Variants in ABLIM3 observed in about 807,000 individuals in gnomAD.
ABLIM3 encodes actin-binding LIM protein 3.
A neutral mutation model predicts 109.5 loss-of-function variants in ABLIM3; 61 were observed. That is an observed-to-expected ratio of 0.56 (90% CI 0.45 to 0.69). The LOEUF (loss-of-function observed/expected upper bound fraction) is 0.69, where lower values mean the gene tolerates loss of function less well. Ranked by LOEUF, ABLIM3 falls within the 30% of genes least tolerant of loss-of-function variation. The pLI is 0.00. For missense variants in ABLIM3, 796 were observed against 889.5 expected, an observed-to-expected ratio of 0.89 and a Z score of 1.34; for synonymous variants, 300 against 324.8, an observed-to-expected ratio of 0.92 and a Z score of 0.82.
intron 3 of ABLIM3, among the ~76,000 whole-genome samples, chr5:149,192,534 G>C (rs554904441): frequency 1.3e-5 from 2 of 151,058 alleles, no homozygotes; most frequent in East Asian, 3.9e-4. Context: ...GCTGAGGCAG[G>C]AGAATGGCAT....
chr5:149,233,301 G>A lies in ABLIM3; in HGVS notation c.888+1G>A, dbSNP rs757993248. 2.2e-5 allele frequency: 35 copies of A among 1,613,826 alleles called. No individual in the cohort carries two copies. Among genetic ancestry groups the A allele is most frequent in the Middle Eastern group, 1.6e-4 (1 of 6,082 alleles). On this transcript the variant is annotated splice_donor_variant, in intron 10 of 23. Coordinates refer to ENST00000309868, the MANE Select transcript of ABLIM3 (RefSeq NM_014945.5). LOFTEE classifies it high-confidence loss of function. ...TGGGTCACCCAACCGAGTCATCTGCGTATGTATCACTTTTCTACCACCAAA... is the reference window on the plus strand; with the variant it reads ...TGGGTCACCCAACCGAGTCATCTGCATATGTATCACTTTTCTACCACCAAA...
chr5:149,168,743 G>A (rs182770320), intron 2 of ABLIM3, among the ~76,000 whole-genome samples: 13 of 152,296 alleles, frequency 8.5e-5, no homozygotes, highest in African/African-American at 2.2e-4. Context: ...GAAGGATATT[G>A]GCACATGATA....
chr5:149,201,225 C>T (rs1159871285), intron 5 of ABLIM3, among the ~76,000 whole-genome samples: 2 of 152,198 alleles, frequency 1.3e-5, no homozygotes, highest in Non-Finnish European at 2.9e-5. Flanking sequence ...TGGCAGGCTG[C>T]TGCTGCACAT....
chr5:149,223,790 G>A (rs10053932), intron 8 of ABLIM3, among the ~76,000 whole-genome samples: 9,437 of 152,224 alleles, frequency 0.062, 915 homozygotes, highest in African/African-American at 0.21. Context: ...AGACAGAGAC[G>A]GACAAGCAGG....
rs1231157544 is a variant in ABLIM3 at position 149,252,813 on chromosome 5, G to A, written c.1914G>A (p.Lys638=). The A allele has an allele frequency of 1.2e-6, 2 of 1,613,476 alleles. No homozygotes were observed. The highest frequency in any genetic ancestry group is 2.7e-5 in the African/African-American group (2 of 75,014). ...CAAGAGGAAGAAACCGACTGCCCAA[G>A]GATGTAGACAGGACCCGTTTAGAGG... is the stretch of plus-strand genomic sequence containing the variant. The part of the protein sequence containing the change: ...VTTRGRNRLP[K]DVDRTRLERH... Residue 638 remains lysine, a synonymous_variant, in exon 23 of 24, where the codon AAG becomes AAA. Coordinates refer to ENST00000309868, the MANE Select transcript of ABLIM3 (RefSeq NM_014945.5).
intron 2 of ABLIM3, among the ~76,000 whole-genome samples, chr5:149,147,225 A>G (rs1753017139): frequency 6.6e-6 from 1 of 152,074 alleles, no homozygotes; most frequent in South Asian, 2.1e-4. Context: ...ATTTTTGTAC[A>G]TTAATTTTGT....
In ABLIM3 at chr5:149,246,565, A is replaced by G. The variant is rs1441212054; in HGVS notation, c.1551+19A>G. The G allele has an allele frequency of 6.2e-7, 1 of 1,613,734 alleles. No homozygotes were observed. The highest frequency in any genetic ancestry group is 1.1e-5 in the South Asian group (1 of 90,994). ...GCACAAGGTGGGCAGAGACCACAGC[A>G]CTGAATATGATGCTTAGAGCGTATA... On this transcript the variant is annotated intron_variant, in intron 17 of 23. Coordinates refer to ENST00000309868, the MANE Select transcript of ABLIM3 (RefSeq NM_014945.5).
rs770408960 is a variant in ABLIM3 at position 149,241,410 on chromosome 5, C to G, written c.1303+636C>G. Among the ~76,000 whole-genome samples, 23 of 152,078 alleles carry G rather than the reference C, an allele frequency of 1.5e-4. 1 individual carries two copies. Among genetic ancestry groups the G allele is most frequent in the Admixed American group, 1.2e-3 (18 of 15,254 alleles). ...TGAGAGATGATGAGGCTGAGAGAGG[C>G]CAGGCTAGATGGGGCGGTCAGGAAG... On this transcript the variant is annotated intron_variant, in intron 14 of 23. Coordinates refer to ENST00000309868, the MANE Select transcript of ABLIM3 (RefSeq NM_014945.5).
intron 2 of ABLIM3, among the ~76,000 whole-genome samples, chr5:149,153,133 C>T (rs531857246): frequency 6.6e-6 from 1 of 152,210 alleles, no homozygotes; most frequent in East Asian, 1.9e-4. Flanking sequence ...TGATCATCTG[C>T]TAAGATGGCT....
chr5:149,236,304 A>ATTTATGAATGGTGCT (rs1489349927), intron 10 of ABLIM3, among the ~76,000 whole-genome samples: 1 of 152,156 alleles, frequency 6.6e-6, no homozygotes, highest in Non-Finnish European at 1.5e-5. Context: ...GCTTATAGGT[A>ATTTATGAATGGTGCT]TTTATGAATG....
intron 22 of ABLIM3, 36 bp downstream of exon 22, chr5:149,252,244 A>T: frequency 1.9e-6 from 3 of 1,609,580 alleles, no homozygotes; most frequent in South Asian, 2.2e-5. Context: ...GGTCTCCAGG[A>T]TTCTTGGAGC....
intron 2 of ABLIM3, among the ~76,000 whole-genome samples, chr5:149,153,232 C>T (rs1753591754): frequency 6.6e-6 from 1 of 152,156 alleles, no homozygotes; most frequent in African/African-American, 2.4e-5. Flanking sequence ...CTCTTACAGT[C>T]CTGGTTGATC....
chr5:149,170,228 TTCTCTCTCTCTCTC>T (rs10644957), intron 2 of ABLIM3, among the ~76,000 whole-genome samples: 34 of 124,660 alleles, frequency 2.7e-4, no homozygotes, highest in African/African-American at 8.8e-4. Context: ...AGGGTTCTGT[TTCTCTCTCTCTCTC>T]TCTCTCTCTC....
chr5:149,242,365 C>T, intron 14 of ABLIM3, 126 bp from the exon 15 acceptor site: 1 of 899,688 alleles, frequency 1.1e-6, no homozygotes. Flanking sequence ...ATGGTGGCCC[C>T]TTGGAAAAAG....
intron 2 of ABLIM3, among the ~76,000 whole-genome samples, chr5:149,147,226 T>C (rs909536164): frequency 6.6e-6 from 1 of 152,152 alleles, no homozygotes; most frequent in African/African-American, 2.4e-5. Flanking sequence ...TTTTTGTACA[T>C]TAATTTTGTA....
At chr5:149,152,336 T>C (rs1011229513) in intron 2 of ABLIM3, among the ~76,000 whole-genome samples, 4 of 152,204 alleles carry the variant, frequency 2.6e-5, no homozygotes, top group Non-Finnish European at 4.4e-5. Context: ...CACAGAGATG[T>C]GGAAGCTGCA....
intron 7 of ABLIM3, among the ~76,000 whole-genome samples, chr5:149,211,904 T>G (rs562072817): frequency 6.6e-6 from 1 of 150,394 alleles, no homozygotes; most frequent in Non-Finnish European, 1.5e-5. Flanking sequence ...AGAATTTTTC[T>G]CAACACAAGC....
intron 2 of ABLIM3, among the ~76,000 whole-genome samples, chr5:149,176,239 G>A (rs182692338): frequency 6.3e-4 from 96 of 152,276 alleles, no homozygotes; most frequent in African/African-American, 2.2e-3. Flanking sequence ...CCCTGGAGCA[G>A]CAATCACTGC....
Position 149,250,626 on chromosome 5 carries a change from G to A in ABLIM3, c.1788+121G>A. On this transcript the variant is annotated intron_variant, in intron 20 of 23. Transcript: ENST00000309868. ...TCCTGGGGCTAGTGGTGGGTTAACT[G>A]ACACAACTGTATGGCAATGACTTGC... The A allele has an allele frequency of 8.3e-6, 10 of 1,203,668 alleles. No homozygotes were observed. The South Asian group carries it at 1.3e-4, about 16-fold the overall frequency. 74.6% of individuals were successfully genotyped at this position (1,203,668 alleles called of 1,614,324 possible). A position where few individuals can be genotyped will look rare whatever the true frequency, so the allele number is the denominator to read the frequency against.
Sources: allele counts gnomAD v4.1 joint callset (sites outside exome capture counted in the v4.1 genomes callset), GRCh38; gene constraint gnomAD v4.1.1; transcripts MANE v1.5; gene names NCBI Gene and HGNC (gene_info 2026-07-23, HGNC 2026-07-21).